Variants in KCNK18 observed in about 807,000 individuals in gnomAD.
KCNK18 encodes the protein potassium channel subfamily K member 18.
In KCNK18, 8 loss-of-function variants were observed where a neutral mutation model predicts 11.8. The ratio of observed to expected loss-of-function variants is 0.68; its 90% confidence interval spans 0.40 to 1.22. The LOEUF (loss-of-function observed/expected upper bound fraction) is 1.22, where lower values mean the gene tolerates loss of function less well. KCNK18 is among the 50% of genes most tolerant of loss of function. KCNK18 has a pLI of 0.01. For missense variants in KCNK18, 442 were observed against 465.4 expected (o/e 0.95, Z 0.46); for synonymous variants, 208 against 185.8 (o/e 1.12, Z -0.97).
intron 2 of KCNK18, among the ~76,000 whole-genome samples, chr10:117,203,537 T>C (rs1231770840): frequency 6.6e-6 from 1 of 152,128 alleles, no homozygotes; most frequent in African/African-American, 2.4e-5. Context: ...AGTTTGTCTT[T>C]TTGTTTTCCT....
intron 2 of KCNK18, among the ~76,000 whole-genome samples, chr10:117,206,035 C>G (rs1361660858): frequency 9.2e-5 from 14 of 151,892 alleles, no homozygotes; most frequent in Admixed American, 9.2e-4. Flanking sequence ...GCCTGGGCAA[C>G]AGAGCAAGAT....
At chr10:117,202,969 C>T (rs1426151219) in intron 2 of KCNK18, among the ~76,000 whole-genome samples, 1 of 146,302 alleles carries the variant, frequency 6.8e-6, no homozygotes, top group East Asian at 2.0e-4. Context: ...CTCTGCTTCC[C>T]TGGTTCAAGT....
intron 1 of KCNK18, 100 bp from the exon 2 acceptor site, chr10:117,201,059 G>A: frequency 1.4e-6 from 2 of 1,439,014 alleles, no homozygotes; most frequent in South Asian, 1.1e-5. Flanking sequence ...AAGGCAAAGG[G>A]GCTGCTGGTC....
chr10:117,204,615 T>A (rs1457311989), intron 2 of KCNK18, among the ~76,000 whole-genome samples: 1 of 152,188 alleles, frequency 6.6e-6, no homozygotes, highest in Non-Finnish European at 1.5e-5. Context: ...GAAATGCAAA[T>A]TAATTCTCAG....
chr10:117,210,239 A>G lies in KCNK18; in HGVS notation c.1095A>G (p.Ile365Met), dbSNP rs1843747957. ...FKLVQNRLID[I>M]YKNVMLFFAK... ...TGGTGCAAAACAGGCTGATTGACAT[A>G]TACAAAAATGTTATGCTATTCTTTG... The change falls in exon 3 of 3, where the codon ATA becomes ATG. Residue 365 changes from isoleucine to methionine, a missense_variant. Ile to Met is a conservative substitution (Grantham distance 10). Coordinates refer to ENST00000334549, the MANE Select transcript of KCNK18 (RefSeq NM_181840.1). The G allele has an allele frequency of 6.2e-7, 1 of 1,614,094 alleles. No individual in the cohort carries two copies. The highest frequency in any genetic ancestry group is 8.5e-7 in the Non-Finnish European group (1 of 1,180,042).
intron 2 of KCNK18, among the ~76,000 whole-genome samples, chr10:117,208,244 A>G (rs1020210193): frequency 1.3e-5 from 2 of 151,954 alleles, no homozygotes; most frequent in African/African-American, 4.8e-5. Flanking sequence ...CAGTTTCCCC[A>G]CCTGTGGATG....
At chr10:117,206,207 G>T (rs1283263479) in intron 2 of KCNK18, among the ~76,000 whole-genome samples, 1 of 152,082 alleles carries the variant, frequency 6.6e-6, no homozygotes, top group Non-Finnish European at 1.5e-5. Context: ...AAAAATGAAG[G>T]TGTTGGCAGA....
intron 2 of KCNK18, among the ~76,000 whole-genome samples, chr10:117,205,526 T>G (rs1855064877): frequency 6.6e-6 from 1 of 152,176 alleles, no homozygotes; most frequent in Non-Finnish European, 1.5e-5. Flanking sequence ...TCACAGTGCC[T>G]GCTCTGTGCT....
In KCNK18 at chr10:117,209,921, A is replaced by G; in HGVS notation, c.777A>G (p.Gly259=). Residue 259 remains glycine, a synonymous_variant, in exon 3 of 3, where the codon GGA becomes GGG. Transcript: ENST00000334549. ...ACTCGTGTCCCGAACTGGTGTTGGG[A>G]AGACTCTCATACTCCATCATCAGCA... ...RSNSCPELVL[G]RLSYSIISNL... The G allele has an allele frequency of 6.2e-7, 1 of 1,614,182 alleles. No individual in the cohort carries two copies. Among genetic ancestry groups the G allele is most frequent in the Non-Finnish European group, 8.5e-7 (1 of 1,180,038 alleles).
chr10:117,209,711 AC>A lies in KCNK18; in HGVS notation c.569del (p.Pro190ArgfsTer45). 6.2e-7 allele frequency: 1 copy of A among 1,613,872 alleles called. No individual in the cohort carries two copies. The highest frequency in any genetic ancestry group is 8.5e-7 in the Non-Finnish European group (1 of 1,179,978). On this transcript the variant is annotated frameshift_variant, in exon 3 of 3. Transcript: ENST00000334549. LOFTEE classifies it low-confidence loss of function (END_TRUNC). Reference sequence around the variant, plus strand: ...GCCCCAAATCTCTCTTCAAGAAAAAACCGGACCCCAAGCCCGCAGATGAAGC... The same window carrying A: ...GCCCCAAATCTCTCTTCAAGAAAAAACGGACCCCAAGCCCGCAGATGAAGC... ...WCPKSLFKKK[P>X]DPKPADEAVP...
At chr10:117,207,325 G>T (rs1185878605) in intron 2 of KCNK18, among the ~76,000 whole-genome samples, 1 of 152,116 alleles carries the variant, frequency 6.6e-6, no homozygotes, top group African/African-American at 2.4e-5. Context: ...CATTGCGCAT[G>T]GCTTAGGATA....
At chr10:117,206,076 A>T (rs1267576377) in intron 2 of KCNK18, among the ~76,000 whole-genome samples, 1 of 152,038 alleles carries the variant, frequency 6.6e-6, no homozygotes, top group African/African-American at 2.4e-5. Flanking sequence ...TACAAACCTG[A>T]TTTTATTAGT....
chr10:117,199,939 C>T (rs1488956677), intron 1 of KCNK18, among the ~76,000 whole-genome samples: 1 of 152,206 alleles, frequency 6.6e-6, no homozygotes, highest in Non-Finnish European at 1.5e-5. Flanking sequence ...TCTGGGAAAC[C>T]AGGGTTCCCA....
intron 1 of KCNK18, among the ~76,000 whole-genome samples, chr10:117,200,819 A>AC (rs1047797034): frequency 5.9e-5 from 9 of 151,472 alleles, no homozygotes; most frequent in Non-Finnish European, 1.2e-4. Flanking sequence ...CTCAAGAAAA[A>AC]AAAAAAACAG....
At chr10:117,200,841 G>A (rs1340787613) in intron 1 of KCNK18, among the ~76,000 whole-genome samples, 3 of 150,750 alleles carry the variant, frequency 2.0e-5, no homozygotes, top group Non-Finnish European at 4.4e-5. Flanking sequence ...TGAAAGAAAT[G>A]GCGGTTCAGA....
chr10:117,200,306 G>A (rs1854997907), intron 1 of KCNK18, among the ~76,000 whole-genome samples: 1 of 152,096 alleles, frequency 6.6e-6, no homozygotes, highest in Non-Finnish European at 1.5e-5. Flanking sequence ...TTGAACTCCT[G>A]ACCTCAAATG....
rs145335768 is a variant in KCNK18, at chr10:117,210,066, T to G, written c.922T>G (p.Leu308Val). 9 of 1,614,176 alleles carry G rather than the reference T, an allele frequency of 5.6e-6. No homozygotes were observed. The highest frequency in any genetic ancestry group is 7.6e-6 in the Non-Finnish European group (9 of 1,180,036). The change falls in exon 3 of 3, where the codon TTG becomes GTG. Residue 308 changes from leucine to valine, a missense_variant. Physicochemically the swap from Leu to Val is conservative, Grantham distance 32. Transcript: ENST00000334549. Reference protein sequence around the residue: ...AAILPFWETQLDFENAFYFCF... With the variant: ...AAILPFWETQVDFENAFYFCF... The stretch of plus-strand genomic sequence containing the variant: ...CATCCTCCCCTTCTGGGAGACACAG[T>G]TGGATTTCGAGAATGCCTTCTATTT...
chr10:117,209,809 G>A lies in KCNK18; in HGVS notation c.665G>A (p.Ser222Asn), dbSNP rs1295646909. The A allele has an allele frequency of 6.2e-7, 1 of 1,614,178 alleles. No individual in the cohort carries two copies. Reference sequence around the variant, plus strand: ...CTTGGCACATGTCCTTCACGCCCAAGCTGCAGCATGGAGCTGTTTGAGAGA... The same window carrying A: ...CTTGGCACATGTCCTTCACGCCCAAACTGCAGCATGGAGCTGTTTGAGAGA... ...PKLGTCPSRPSCSMELFERSH... is the reference protein window; with the variant it reads ...PKLGTCPSRPNCSMELFERSH... Residue 222 changes from serine to asparagine, a missense_variant, in exon 3 of 3, where the codon AGC becomes AAC. Transcript: ENST00000334549.
In KCNK18 at chr10:117,209,746, A is replaced by G. The variant is rs1304110810; in HGVS notation, c.602A>G (p.Gln201Arg). Reference protein sequence around the residue: ...DPKPADEAVPQIIISAEELPG... With the variant: ...DPKPADEAVPRIIISAEELPG... Reference sequence around the variant, plus strand: ...AAGCCCGCAGATGAAGCTGTCCCTCAGATCATCATCAGTGCTGAAGAGCTT... The same window carrying G: ...AAGCCCGCAGATGAAGCTGTCCCTCGGATCATCATCAGTGCTGAAGAGCTT... The change falls in exon 3 of 3, where the codon CAG (glutamine) becomes CGG (arginine). Residue 201 changes from glutamine to arginine, a missense_variant. Gln to Arg is a conservative substitution (Grantham distance 43). Coordinates refer to ENST00000334549, the MANE Select transcript of KCNK18 (RefSeq NM_181840.1). 2.5e-6 allele frequency: 4 copies of G among 1,614,178 alleles called. No individual in the cohort carries two copies. Among genetic ancestry groups the G allele is most frequent in the Non-Finnish European group, 2.5e-6 (3 of 1,180,048 alleles).
Sources: gnomAD v4.1 joint callset for allele counts (sites outside exome capture counted in the v4.1 genomes callset) on GRCh38, gnomAD v4.1.1 for gene constraint, MANE v1.5 for transcripts, NCBI Gene and HGNC (gene_info 2026-07-23, HGNC 2026-07-21) for gene names.